OSBPL9: variants seen among roughly 807,000 people sequenced by gnomAD.
OSBPL9 encodes the protein oxysterol binding protein like 9, also known as oxysterol-binding protein-related protein 9.
Under a neutral mutation model 106.6 loss-of-function variants are expected in OSBPL9, and 40 were observed. The observed-to-expected ratio is 0.38, with a 90% CI of 0.29 to 0.49. The LOEUF (loss-of-function observed/expected upper bound fraction) is 0.49, where lower values mean the gene tolerates loss of function less well. OSBPL9 is among the 20% of genes least tolerant of loss of function. The probability of loss-of-function intolerance (pLI) is 0.97; values close to 1 mark genes in which losing one functional copy is unlikely to be tolerated. For synonymous variants in OSBPL9, 269 were observed against 295.4 expected (o/e 0.91, Z 0.92); for missense variants, 609 against 887.2 (o/e 0.69, Z 3.98).
At chr1:51,770,362 T>C (rs1673602967) in intron 12 of OSBPL9, among the ~76,000 whole-genome samples, 1 of 151,994 alleles carries the variant, frequency 6.6e-6, no homozygotes, top group South Asian at 2.1e-4. Flanking sequence ...AGGCTGGTCT[T>C]GAACTCCTCA....
chr1:51,540,241 C>T, the OSBPL9 span, among the ~76,000 whole-genome samples: 1 of 151,884 alleles, frequency 6.6e-6, no homozygotes, highest in Non-Finnish European at 1.5e-5. Flanking sequence ...TAAAGCTGGA[C>T]ACCATTAATT....
intron 4 of OSBPL9, among the ~76,000 whole-genome samples, chr1:51,741,879 A>G (rs925237465): frequency 3.3e-5 from 5 of 152,206 alleles, no homozygotes; most frequent in Non-Finnish European, 1.5e-5. Flanking sequence ...TCAGTGTAAT[A>G]AACCAAAGAG....
intron 6 of OSBPL9, among the ~76,000 whole-genome samples, chr1:51,747,950 C>T (rs1489733211): frequency 6.6e-6 from 1 of 152,032 alleles, no homozygotes; most frequent in Non-Finnish European, 1.5e-5. Flanking sequence ...CCACCACGCC[C>T]AGCTAATTTT....
the OSBPL9 span, among the ~76,000 whole-genome samples, chr1:51,531,846 G>C: frequency 6.6e-6 from 1 of 152,148 alleles, no homozygotes; most frequent in Admixed American, 6.6e-5. Flanking sequence ...CAAGCCCTGG[G>C]CCACTCCAAT....
rs533038481 is a variant in OSBPL9 at position 51,667,993 on chromosome 1, C to T, written c.163-1441C>T. Among the ~76,000 whole-genome samples, 9 of 152,292 alleles carry T rather than the reference C, an allele frequency of 5.9e-5. No homozygotes were observed. The South Asian group carries it at 8.3e-4, about 14-fold the overall frequency. On this transcript the variant is annotated intron_variant, in intron 2 of 23. Transcript: ENST00000428468. Reference sequence around the variant, plus strand: ...ATAGAGTTGGGGTTCATCCAGATAGCCTCTGGGGAAGAAATGAATAAATGT... The same window carrying T: ...ATAGAGTTGGGGTTCATCCAGATAGTCTCTGGGGAAGAAATGAATAAATGT...
At chr1:51,531,787 G>T in the OSBPL9 span, among the ~76,000 whole-genome samples, 54 of 152,264 alleles carry the variant, frequency 3.5e-4, no homozygotes, top group African/African-American at 1.2e-3. Flanking sequence ...CCATGAGGTT[G>T]GGTGAGACTG....
rs535885892 is a variant in OSBPL9, at chr1:51,577,357, T to A, written c.-423+101T>A. On this transcript the variant is annotated intron_variant, in intron 1 of 25. Transcript: ENST00000371714. The stretch of plus-strand genomic sequence containing the variant: ...TTTTTTTTTTGACGAAGTCTTGCTC[T>A]GGCCCAGGCTGGAATGCAGTGGCAT... The A allele has an allele frequency of 3.2e-4, 48 of 149,556 alleles. 1 individual carries two copies. The highest frequency in any genetic ancestry group is 1.2e-3 in the African/African-American group (48 of 40,210). The allele number at this position is 149,556 out of a possible 1,614,324, so 9.3% of individuals were successfully genotyped here.
At chr1:51,692,458 G>A (rs1198109664) in intron 3 of OSBPL9, among the ~76,000 whole-genome samples, 1 of 152,166 alleles carries the variant, frequency 6.6e-6, no homozygotes, top group African/African-American at 2.4e-5. Flanking sequence ...TGGCAGAGCA[G>A]TAGATTTGTT....
intron 1 of OSBPL9, among the ~76,000 whole-genome samples, chr1:51,596,880 T>C (rs1436305802): frequency 2.0e-5 from 3 of 152,170 alleles, no homozygotes; most frequent in Admixed American, 6.5e-5. Context: ...GACTGGCAAG[T>C]CTCCTGCTCC....
intron 3 of OSBPL9, among the ~76,000 whole-genome samples, chr1:51,705,517 G>A (rs556512024): frequency 2.8e-5 from 4 of 142,250 alleles, no homozygotes; most frequent in South Asian, 2.3e-4. Flanking sequence ...TGGTTCAAGC[G>A]ATTCTCCTGC....
chr1:51,671,960 T>C (rs1427658277), intron 3 of OSBPL9, among the ~76,000 whole-genome samples: 1 of 152,272 alleles, frequency 6.6e-6, no homozygotes, highest in East Asian at 1.9e-4. Context: ...TTTATACTCA[T>C]ATATTTGAAG....
At chr1:51,651,407 A>T (rs755395848) in intron 1 of OSBPL9, among the ~76,000 whole-genome samples, 26 of 152,144 alleles carry the variant, frequency 1.7e-4, no homozygotes, top group Non-Finnish European at 3.2e-4. Flanking sequence ...GTTCGAGACC[A>T]GCCTGGCCAA....
At chr1:51,675,854 GATAATA>G (rs895635097) in intron 3 of OSBPL9, among the ~76,000 whole-genome samples, 1 of 151,880 alleles carries the variant, frequency 6.6e-6, no homozygotes, top group Non-Finnish European at 1.5e-5. Context: ...AATATATTGG[GATAATA>G]ATAATAATGG....
chr1:51,606,864 C>T (rs1354943605), intron 2 of OSBPL9, among the ~76,000 whole-genome samples: 1 of 151,802 alleles, frequency 6.6e-6, no homozygotes, highest in Non-Finnish European at 1.5e-5. Context: ...CTGGCTAACA[C>T]GGTGAAACCC....
At chr1:51,639,146 C>G (rs1170622211) in intron 1 of OSBPL9, among the ~76,000 whole-genome samples, 1 of 152,124 alleles carries the variant, frequency 6.6e-6, no homozygotes, top group Non-Finnish European at 1.5e-5. Flanking sequence ...ACAGCCTTGT[C>G]ACTAATATCC....
Position 51,707,541 on chromosome 1 carries a change from A to T in OSBPL9, c.242-6462A>T, listed in dbSNP as rs1013159673. 5 of 179,746 alleles carry T rather than the reference A, an allele frequency of 2.8e-5. No homozygotes were observed. In the Admixed American group the frequency reaches 3.0e-4, roughly 11 times the overall value. 11.1% of individuals were successfully genotyped at this position (179,746 alleles called of 1,614,324 possible). ...CAGGGATGATGTTCTTGAGAGCCTCATGGTCGTCATGCCACAGTTTCCCAG... is the reference window on the plus strand; with the variant it reads ...CAGGGATGATGTTCTTGAGAGCCTCTTGGTCGTCATGCCACAGTTTCCCAG... On this transcript the variant is annotated intron_variant, in intron 3 of 23. Coordinates refer to ENST00000428468, the MANE Select transcript of OSBPL9 (RefSeq NM_024586.6).
In OSBPL9 at chr1:51,649,570, A is replaced by T. The variant is rs533972267; in HGVS notation, c.112-2421A>T. 1.4e-3 allele frequency among the ~76,000 whole-genome samples: 218 copies of T among 151,744 alleles called. 2 individuals carry two copies. Among genetic ancestry groups the T allele is most frequent in the African/African-American group, 5.1e-3 (212 of 41,342 alleles). On this transcript the variant is annotated intron_variant, in intron 1 of 23. Transcript: ENST00000428468. ...CCCCCACTACCTTCCCTTTCTTTTT[A>T]TCAGATTTCTTTTTTCTTTCTTTCT... is the stretch of plus-strand genomic sequence containing the variant.
chr1:51,616,008 T>TG (rs1644046984), upstream of OSBPL9, among the ~76,000 whole-genome samples: 1 of 105,174 alleles, frequency 9.5e-6, no homozygotes, highest in African/African-American at 4.2e-5. Context: ...CTTTGGTTTT[T>TG]TTTTTTTTTT....
rs773075007 is a variant in OSBPL9 at position 51,781,236 on chromosome 1, G to A, written c.1329G>A (p.Ala443=). 54 of 1,613,816 alleles carry A rather than the reference G, an allele frequency of 3.3e-5. No homozygotes were observed. The highest frequency in any genetic ancestry group is 1.7e-4 in the Admixed American group (10 of 59,986). Residue 443 remains alanine, a synonymous_variant, in exon 16 of 24, where the codon GCG becomes GCA. Transcript: ENST00000428468. The stretch of plus-strand genomic sequence containing the variant: ...AATGGTACCTCTCAGCCTTTCATGC[G>A]GGAAGGAAAGGATCAGTTGCCAAAA... The part of the protein sequence containing the change: ...VVKWYLSAFH[A]GRKGSVAKKP...
Sources: gnomAD v4.1 joint callset for allele counts (sites outside exome capture counted in the v4.1 genomes callset) on GRCh38, gnomAD v4.1.1 for gene constraint, MANE v1.5 for transcripts, NCBI Gene and HGNC (gene_info 2026-07-23, HGNC 2026-07-21) for gene names.